PLA2G6: variants seen among roughly 807,000 people sequenced by gnomAD.
The protein encoded by PLA2G6 is phospholipase A2 group VI.
A neutral mutation model predicts 83.8 loss-of-function variants in PLA2G6; 62 were observed. The ratio of observed to expected loss-of-function variants is 0.74; its 90% CI spans 0.60 to 0.91. PLA2G6 has a LOEUF of 0.91. PLA2G6 is among the 40% of genes least tolerant of loss of function. The probability of loss-of-function intolerance (pLI) is 0.00; values close to 1 mark genes in which losing one functional copy is unlikely to be tolerated. For synonymous variants in PLA2G6, 417 were observed against 449.8 expected, an observed-to-expected ratio of 0.93 and a Z score of 0.92; for missense variants, 944 against 1,102.0, an observed-to-expected ratio of 0.86 and a Z score of 2.03.
rs1327792633 is a variant in PLA2G6 at position 38,123,050 on chromosome 22, C to T, written c.1591+45G>A. ...AGACAAACTCGGCCCCTTGAGGACACAGGTCTCAGCCCCGCCTGGCCCCAT... is the reference window on the plus strand; with the variant it reads ...AGACAAACTCGGCCCCTTGAGGACATAGGTCTCAGCCCCGCCTGGCCCCAT... On this transcript the variant is annotated intron_variant, in intron 11 of 16. Transcript: ENST00000332509. The surrounding 1 kb of genome is among the most constrained non-coding windows in gnomAD (Gnocchi z 4.1). 6.5e-7 allele frequency: 1 copy of T among 1,528,938 alleles called. No homozygotes were observed. The highest frequency in any genetic ancestry group is 8.8e-7 in the Non-Finnish European group (1 of 1,133,554). The allele number at this position is 1,528,938 out of a possible 1,614,324, so 94.7% of individuals were successfully genotyped here. A position where few individuals can be genotyped will look rare whatever the true frequency, so the allele number is the denominator to read the frequency against.
chr22:38,135,195 C>T, intron 5 of PLA2G6, 111 bp from the exon 6 acceptor site: 2 of 754,786 alleles, frequency 2.6e-6, no homozygotes, highest in Non-Finnish European at 4.7e-6. Flanking sequence ...TCACTGCAAA[C>T]AAAGTTCAGC....
chr22:38,134,680 T>G, intron 6 of PLA2G6: 1 of 400,096 alleles, frequency 2.5e-6, no homozygotes, highest in Non-Finnish European at 4.6e-6. Flanking sequence ...CACCTTCTAT[T>G]TGGGAAGCAC....
intron 3 of PLA2G6, 87 bp downstream of exon 3, chr22:38,145,351 A>G (rs769152232): frequency 9.7e-6 from 11 of 1,129,988 alleles, no homozygotes; most frequent in Non-Finnish European, 1.4e-5. Flanking sequence ...AAGTCAAACT[A>G]TGGAGGGGAA....
chr22:38,162,208 C>CAA (rs1162906670), intron 2 of PLA2G6, among the ~76,000 whole-genome samples: 25 of 74,310 alleles, frequency 3.4e-4, no homozygotes, highest in South Asian at 2.2e-3. Context: ...GACTCTGTGT[C>CAA]AAAAAAAAAA....
chr22:38,145,830 CA>C (rs1569278558), intron 2 of PLA2G6, 177 bp from the exon 3 acceptor site: 97 of 627,930 alleles, frequency 1.5e-4, no homozygotes, highest in Middle Eastern at 4.1e-4. Context: ...CACACACACA[CA>C]CACCCCTATA....
chr22:38,150,915 C>T (rs1266874172), intron 2 of PLA2G6, among the ~76,000 whole-genome samples: 1 of 152,136 alleles, frequency 6.6e-6, no homozygotes, highest in African/African-American at 2.4e-5. Context: ...GGTGAAACCC[C>T]GTCTCTACTA....
rs1163553928 is a variant in PLA2G6, at chr22:38,115,568, T to C, written c.1993A>G (p.Met665Val). The C allele has an allele frequency of 1.7e-5, 28 of 1,613,542 alleles. No homozygotes were observed. Among genetic ancestry groups the C allele is most frequent in the Non-Finnish European group, 2.0e-5 (24 of 1,179,934 alleles). ...TGATTGTACTCATGGATCTCGGTCA[T>C]GGCATCCAGCGTGGGGTTGTTGGCC... ...LLANNPTLDAMTEIHEYNQDL... is the reference protein window; with the variant it reads ...LLANNPTLDAVTEIHEYNQDL... Residue 665 changes from methionine to valine, a missense_variant, in exon 14 of 17, where the codon ATG (methionine) becomes GTG (valine). By Grantham distance (21) the Met-to-Val change is conservative. Transcript: ENST00000332509.
intron 2 of PLA2G6, among the ~76,000 whole-genome samples, chr22:38,151,318 C>T (rs1436081789): frequency 6.6e-6 from 1 of 151,926 alleles, no homozygotes; most frequent in East Asian, 1.9e-4. Context: ...GCAATCAACG[C>T]TCACTGCAGC....
Position 38,155,119 on chromosome 22 carries a change from C to T in PLA2G6, c.210-9466G>A, listed in dbSNP as rs1026441067. On this transcript the variant is annotated intron_variant, in intron 2 of 16. Coordinates refer to ENST00000332509, the MANE Select transcript of PLA2G6 (RefSeq NM_003560.4). ...GCGGGCGCCTGTAATCCCAGCTACTCGGGAGGCTGAGGCAGAAGAATGGTG... is the reference window on the plus strand; with the variant it reads ...GCGGGCGCCTGTAATCCCAGCTACTTGGGAGGCTGAGGCAGAAGAATGGTG... 7.9e-5 allele frequency among the ~76,000 whole-genome samples: 12 copies of T among 151,758 alleles called. 1 individual carries two copies. The highest frequency in any genetic ancestry group is 3.9e-4 in the Admixed American group (6 of 15,208).
chr22:38,145,808 C>T (rs1277085680), intron 2 of PLA2G6, 155 bp from the exon 3 acceptor site: 7 of 661,050 alleles, frequency 1.1e-5, no homozygotes, highest in Non-Finnish European at 1.9e-5. Flanking sequence ...CACACACACA[C>T]ACACACACAC....
intron 14 of PLA2G6, 52 bp from the exon 15 acceptor site, chr22:38,113,706 G>A: frequency 6.4e-7 from 1 of 1,558,604 alleles, no homozygotes; most frequent in Non-Finnish European, 8.8e-7. Context: ...CAGGTAGGGG[G>A]CACGAAGGGG....
chr22:38,138,359 G>A (rs1288126798), intron 5 of PLA2G6: 1 of 152,410 alleles, frequency 6.6e-6, no homozygotes, highest in Non-Finnish European at 1.5e-5. Context: ...TTCAAGGAAA[G>A]GAGGGTTTGT....
At position 38,132,942 on chromosome 22, in the gene PLA2G6, G is replaced by C; in HGVS notation, c.966C>G (p.His322Gln). ...CGAAGCGGTTGCGCATCACCGCCAC[G>C]TGCAGGGCCGTGTTCCCCGCGGAGC... ...STSSAGNTAL[H>Q]VAVMRNRFDC... is the part of the protein sequence containing the mutation. Residue 322 changes from histidine to glutamine, a missense_variant, in exon 7 of 17, where the codon CAC becomes CAG. Coordinates refer to ENST00000332509, the MANE Select transcript of PLA2G6 (RefSeq NM_003560.4). The surrounding 1 kb of genome is among the most constrained non-coding windows in gnomAD (Gnocchi z 5.0). The C allele has an allele frequency of 1.3e-6, 2 of 1,562,284 alleles. No homozygotes were observed. Among genetic ancestry groups the C allele is most frequent in the Non-Finnish European group, 1.7e-6 (2 of 1,153,762 alleles).
chr22:38,164,652 G>C lies in PLA2G6; in HGVS notation c.209+4566C>G, dbSNP rs148144221. Reference sequence around the variant, plus strand: ...TAATTCCATCCCCCAGGTCCATCCAGAAGCTCAGCCTGGCAGCTCACTGCA... The same window carrying C: ...TAATTCCATCCCCCAGGTCCATCCACAAGCTCAGCCTGGCAGCTCACTGCA... On this transcript the variant is annotated intron_variant, in intron 2 of 16. Transcript: ENST00000332509. Among the ~76,000 whole-genome samples the C allele has an allele frequency of 2.6e-3, 397 of 152,312 alleles. 1 individual carries two copies. The highest frequency in any genetic ancestry group is 9.3e-3 in the African/African-American group (386 of 41,564).
At chr22:38,116,921 G>C (rs1425561021) in intron 12 of PLA2G6, among the ~76,000 whole-genome samples, 2 of 133,766 alleles carry the variant, frequency 1.5e-5, no homozygotes, top group East Asian at 2.2e-4. Context: ...TAAAGATTTA[G>C]ATGAAATGGA....
intron 9 of PLA2G6, chr22:38,126,803 G>T (rs575946154): frequency 5.6e-6 from 2 of 357,172 alleles, no homozygotes; most frequent in Non-Finnish European, 1.1e-5. Context: ...TTCTTGCATC[G>T]GAGCCGATGC....
At chr22:38,168,495 T>C (rs2090308140) in intron 2 of PLA2G6, among the ~76,000 whole-genome samples, 1 of 152,170 alleles carries the variant, frequency 6.6e-6, no homozygotes, top group Non-Finnish European at 1.5e-5. Flanking sequence ...AGGCAACAGC[T>C]CTGTCCAGCC....
At chr22:38,112,634 C>G in intron 15 of PLA2G6, 57 bp from the exon 16 acceptor site, 1 of 1,427,444 alleles carries the variant, frequency 7.0e-7, no homozygotes, top group Non-Finnish European at 9.6e-7. Flanking sequence ...GCCCGCACCC[C>G]GCCCGGCCCT....
chr22:38,134,790 T>A, intron 6 of PLA2G6, 198 bp downstream of exon 6: 1 of 587,696 alleles, frequency 1.7e-6, no homozygotes, highest in Non-Finnish European at 3.0e-6. Context: ...ACAGGGCGGA[T>A]CCCCCCGCCC....
Sources: gnomAD v4.1 joint callset for allele counts (sites outside exome capture counted in the v4.1 genomes callset) on GRCh38, gnomAD v4.1.1 for gene constraint, Gnocchi (gnomAD v3.1) non-coding constraint, MANE v1.5 for transcripts, NCBI Gene and HGNC (gene_info 2026-07-23, HGNC 2026-07-21) for gene names.